Variants in CCDC144A observed in about 807,000 individuals in gnomAD.
CCDC144A encodes the protein coiled-coil domain-containing protein 144A.
In CCDC144A, 41 loss-of-function variants were observed where a neutral mutation model predicts 143.8. The ratio of observed to expected loss-of-function variants is 0.29; its 90% CI spans 0.22 to 0.37. The LOEUF (loss-of-function observed/expected upper bound fraction) is 0.37. Ranked by LOEUF, CCDC144A falls within the 10% of genes least tolerant of loss-of-function variation. CCDC144A has a pLI of 1.00. For missense variants in CCDC144A, 637 were observed against 1,488.8 expected (o/e 0.43, Z 9.41); for synonymous variants, 242 against 517.9 (o/e 0.47, Z 7.23).
chr17:16,753,438 T>TTTG (rs1914910420), intron 12 of CCDC144A, among the ~76,000 whole-genome samples: 1 of 120,520 alleles, frequency 8.3e-6, no homozygotes, highest in South Asian at 3.3e-4. Context: ...GTTTTTTTTT[T>TTTG]TTTTTTTTTT....
At chr17:16,667,269 C>A in the CCDC144A span, among the ~76,000 whole-genome samples, 1 of 130,338 alleles carries the variant, frequency 7.7e-6, no homozygotes, top group East Asian at 2.6e-4. Context: ...GCGGCTGAGG[C>A]GGCTGAGGGG....
At chr17:16,759,196 T>A (rs968438456) in intron 12 of CCDC144A, among the ~76,000 whole-genome samples, 4 of 152,264 alleles carry the variant, frequency 2.6e-5, no homozygotes, top group Non-Finnish European at 4.4e-5. Flanking sequence ...TTTGCATTTG[T>A]TATGTCTGAT....
At chr17:16,754,638 A>C (rs957444709) in intron 12 of CCDC144A, among the ~76,000 whole-genome samples, 1 of 152,214 alleles carries the variant, frequency 6.6e-6, no homozygotes, top group African/African-American at 2.4e-5. Flanking sequence ...TGAGCTTTTA[A>C]ACTCAATATA....
the CCDC144A span, among the ~76,000 whole-genome samples, chr17:16,678,985 G>A: frequency 1.8e-3 from 278 of 151,784 alleles, 2 homozygotes; most frequent in Non-Finnish European, 3.1e-3. Context: ...AACTCCCAAC[G>A]TCAGGTGATC....
intron 12 of CCDC144A, among the ~76,000 whole-genome samples, chr17:16,752,498 A>G (rs1194312470): frequency 6.7e-6 from 1 of 150,198 alleles, no homozygotes; most frequent in Non-Finnish European, 1.5e-5. Context: ...CAGGCCACAG[A>G]CACCAGCTCA....
At chr17:16,684,343 A>G in the CCDC144A span, 1 of 671,488 alleles carries the variant, frequency 1.5e-6, no homozygotes, top group South Asian at 1.7e-5. Flanking sequence ...CCATGAAGTT[A>G]ATATCATAAT....
intron 12 of CCDC144A, among the ~76,000 whole-genome samples, chr17:16,751,829 T>C (rs1914807873): frequency 6.6e-6 from 1 of 152,022 alleles, no homozygotes; most frequent in Admixed American, 6.6e-5. Context: ...CAGCCCAGGG[T>C]TTTTTGCCCA....
chr17:16,743,867 A>G (rs1403133781), intron 12 of CCDC144A, among the ~76,000 whole-genome samples: 2 of 152,106 alleles, frequency 1.3e-5, no homozygotes, highest in South Asian at 2.1e-4. Context: ...CCCACTGTCT[A>G]TTGCTCCCAT....
intron 7 of CCDC144A, 108 bp from the exon 8 acceptor site, chr17:16,720,409 C>G: frequency 8.9e-7 from 1 of 1,119,138 alleles, no homozygotes; most frequent in Non-Finnish European, 1.3e-6. Context: ...TAAGAAGTAC[C>G]TGTATTTTTG....
chr17:16,682,883 GTTTTTTTTTTTTTTTTTTTTTTT>G, the CCDC144A span, among the ~76,000 whole-genome samples: 1,328 of 46,464 alleles, frequency 0.029, 63 homozygotes, highest in African/African-American at 0.074. Flanking sequence ...TGGATTCTCT[GTTTTTTTTTTTTTTTTTTTTTTT>G]TTTTTTTTTT....
chr17:16,727,892 T>C, intron 9 of CCDC144A, 152 bp downstream of exon 9: 1 of 347,980 alleles, frequency 2.9e-6, no homozygotes, highest in Non-Finnish European at 5.6e-6. Flanking sequence ...AACAAATTAT[T>C]AACTGTGAAC....
chr17:16,684,735 G>A (rs1312580355), upstream of CCDC144A, among the ~76,000 whole-genome samples: 1 of 151,926 alleles, frequency 6.6e-6, no homozygotes, highest in South Asian at 2.1e-4. Context: ...AGGCCCAAAT[G>A]AGCTGACTAC....
At chr17:16,689,007 C>T (rs756582936), upstream of CCDC144A, among the ~76,000 whole-genome samples, 3 of 152,092 alleles carry the variant, frequency 2.0e-5, no homozygotes, top group South Asian at 2.1e-4. Context: ...GGGTGAGCAG[C>T]GCAGGATCTA....
chr17:16,776,585 C>T lies in CCDC144A; in HGVS notation c.*2952C>T, dbSNP rs1244685203. On this transcript the variant is annotated 3_prime_UTR_variant, in exon 17 of 17. Coordinates refer to ENST00000399273, the MANE Select transcript of CCDC144A (RefSeq NM_001382000.1). Reference sequence around the variant, plus strand: ...AGACTTTGTTGAAGTTGCTTATCAGCTAAGAAGTTTTTGAGCTGAGATGAT... The same window carrying T: ...AGACTTTGTTGAAGTTGCTTATCAGTTAAGAAGTTTTTGAGCTGAGATGAT... 6.6e-6 allele frequency: 1 copy of T among 152,168 alleles called. No individual in the cohort carries two copies. Among genetic ancestry groups the T allele is most frequent in the Non-Finnish European group, 1.5e-5 (1 of 68,052 alleles). The allele number at this position is 152,168 out of a possible 1,614,324, so 9.4% of individuals were successfully genotyped here. A position where few individuals can be genotyped will look rare whatever the true frequency, so the allele number is the denominator to read the frequency against.
In CCDC144A at chr17:16,735,429, G is replaced by A. The variant is rs199644397; in HGVS notation, c.3158G>A (p.Arg1053Gln). Residue 1053 changes from arginine (R) to glutamine (Q), a missense_variant, in exon 12 of 17, where the codon CGA becomes CAA. Coordinates refer to ENST00000399273, the MANE Select transcript of CCDC144A (RefSeq NM_001382000.1). ...CTACAAAGTGAAAATATGTTGCTTC[G>A]ACAGCAACTGGATGATGCTCACAAG... is the stretch of plus-strand genomic sequence containing the variant. ...SQLQSENMLL[R>Q]QQLDDAHKKA... is the part of the protein sequence containing the mutation. The A allele has an allele frequency of 3.8e-5, 61 of 1,613,026 alleles. No homozygotes were observed. The African/African-American group carries it at 6.8e-4, about 18-fold the overall frequency.
the CCDC144A span, among the ~76,000 whole-genome samples, chr17:16,668,311 T>A: frequency 5.9e-5 from 9 of 152,226 alleles, no homozygotes; most frequent in African/African-American, 1.9e-4. Context: ...ATGTATTTTT[T>A]AATTAAATAT....
At chr17:16,707,567 C>G (rs1298572569) in intron 4 of CCDC144A, 25 bp downstream of exon 4, 5 of 1,494,020 alleles carry the variant, frequency 3.3e-6, no homozygotes, top group Non-Finnish European at 4.6e-6. Flanking sequence ...AAACTAAAAT[C>G]TAAATTTCTG....
At chr17:16,682,200 T>TGG in the CCDC144A span, among the ~76,000 whole-genome samples, 2 of 65,836 alleles carry the variant, frequency 3.0e-5, no homozygotes, top group African/African-American at 7.4e-5. Context: ...GATCTGAAAA[T>TGG]GGGTGTGTGT....
At chr17:16,728,703 C>T (rs1364375869) in intron 9 of CCDC144A, among the ~76,000 whole-genome samples, 1 of 151,872 alleles carries the variant, frequency 6.6e-6, no homozygotes, top group Non-Finnish European at 1.5e-5. Context: ...ACACATTGTA[C>T]CTCAGTAGGT....
Sources: gnomAD v4.1 joint callset for allele counts (sites outside exome capture counted in the v4.1 genomes callset) on GRCh38, gnomAD v4.1.1 for gene constraint, MANE v1.5 for transcripts, NCBI Gene and HGNC (gene_info 2026-07-23, HGNC 2026-07-21) for gene names.